LRIG2: variants seen among roughly 807,000 people sequenced by gnomAD.
The protein encoded by LRIG2 is leucine rich repeats and immunoglobulin like domains 2, also known as leucine-rich repeats and immunoglobulin-like domains protein 2.
LRIG2 carries 93 observed loss-of-function variants against 107.8 expected under a neutral mutation model. The observed-to-expected ratio is 0.86, with a 90% confidence interval of 0.73 to 1.03. LRIG2 has a LOEUF of 1.03. Among genes scored for constraint, LRIG2 ranks in the 50% least tolerant of loss-of-function variants. LRIG2 has a pLI of 0.00. For missense variants in LRIG2, 1,226 were observed against 1,296.0 expected, an observed-to-expected ratio of 0.95 and a Z score of 0.83; for synonymous variants, 471 against 470.6, an observed-to-expected ratio of 1.00 and a Z score of -0.01.
At chr1:113,110,770 AG>A (rs1654742645) in intron 13 of LRIG2, among the ~76,000 whole-genome samples, 1 of 152,154 alleles carries the variant, frequency 6.6e-6, no homozygotes, top group Non-Finnish European at 1.5e-5. Flanking sequence ...CTTTGGTTGA[AG>A]GGTAAGTGCT....
At position 113,098,737 on chromosome 1, in the gene LRIG2, T is replaced by G. The variant is rs1225020136; in HGVS notation, c.1124T>G (p.Ile375Arg). 3.7e-6 allele frequency: 6 copies of G among 1,612,950 alleles called. No individual in the cohort carries two copies. Among genetic ancestry groups the G allele is most frequent in the Non-Finnish European group, 3.4e-6 (4 of 1,179,036 alleles). ...AGAAACAATGAAATTTCATGGGCCA[T>G]AGAAGATGCTAGTGAAGCCTTTGCT... ...DLRNNEISWA[I>R]EDASEAFAGL... The change falls in exon 9 of 18, where the codon ATA becomes AGA. Residue 375 changes from isoleucine to arginine, a missense_variant. By Grantham distance (97) the Ile-to-Arg change is moderately conservative (BLOSUM62 -3). This residue lies in a region of LRIG2 where 570 missense variants were observed against 550.2 expected (regional missense o/e 1.04). Coordinates refer to ENST00000361127, the MANE Select transcript of LRIG2 (RefSeq NM_014813.3).
intron 16 of LRIG2, 112 bp from the exon 17 acceptor site, chr1:113,119,121 A>C: frequency 1.1e-6 from 1 of 923,580 alleles, no homozygotes; most frequent in Non-Finnish European, 1.7e-6. Context: ...TTTATAAAGT[A>C]AGTGCTCAAT....
chr1:113,073,682 G>A lies in LRIG2; in HGVS notation c.239+37G>A, dbSNP rs746159503. On this transcript the variant is annotated intron_variant, in intron 1 of 17. Transcript: ENST00000361127. ...GGCCAGGCAGAGTGACCAAAAGGAG[G>A]GGGAGCCTTCCCTCTACAGGGGGCA... 3.4e-5 allele frequency: 53 copies of A among 1,580,050 alleles called. 1 individual carries two copies. In the Admixed American group the frequency reaches 7.9e-4, roughly 24 times the overall value.
At chr1:113,113,019 T>A (rs1487591605) in intron 14 of LRIG2, among the ~76,000 whole-genome samples, 1 of 152,146 alleles carries the variant, frequency 6.6e-6, no homozygotes. Flanking sequence ...TATCAGCTTA[T>A]CTTTTTAAGT....
Position 113,112,476 on chromosome 1 carries a change from CAGAG to C in LRIG2, c.1799-1_1801del, listed in dbSNP as rs1570764426. 2 of 1,593,548 alleles carry C rather than the reference CAGAG, an allele frequency of 1.3e-6. No homozygotes were observed. Among genetic ancestry groups the C allele is most frequent in the Admixed American group, 3.4e-5 (2 of 58,520 alleles). On this transcript the variant is annotated splice_acceptor_variant and coding_sequence_variant, in exon 14 of 18. Transcript: ENST00000361127. LOFTEE classifies it high-confidence loss of function. ...TTTTTCTTGGTGATTTTTCTGGAAACAGAGATGCCATCTTTTCTGAAAACGCCAA... is the reference window on the plus strand; with the variant it reads ...TTTTTCTTGGTGATTTTTCTGGAAACATGCCATCTTTTCTGAAAACGCCAA...
intron 11 of LRIG2, among the ~76,000 whole-genome samples, chr1:113,105,487 C>T (rs906955858): frequency 7.9e-5 from 12 of 152,132 alleles, no homozygotes; most frequent in African/African-American, 2.9e-4. Flanking sequence ...TTTCATACAC[C>T]TCCTGTTATT....
At chr1:113,112,342 A>G (rs1470234884) in intron 13 of LRIG2, 137 bp from the exon 14 acceptor site, 9 of 773,674 alleles carry the variant, frequency 1.2e-5, no homozygotes, top group Non-Finnish European at 1.5e-5. Flanking sequence ...TTCACTCTCA[A>G]TCAGAGAGCC....
At chr1:113,121,235 G>C (rs1415158773) in intron 17 of LRIG2, among the ~76,000 whole-genome samples, 1 of 152,212 alleles carries the variant, frequency 6.6e-6, no homozygotes, top group Non-Finnish European at 1.5e-5. Context: ...TGAGAACGCA[G>C]TTTTGGGCTT....
In LRIG2 at chr1:113,112,714, A is replaced by G; in HGVS notation, c.2034A>G (p.Gln678=). The G allele has an allele frequency of 6.2e-7, 1 of 1,610,848 alleles. No individual in the cohort carries two copies. The highest frequency in any genetic ancestry group is 8.5e-7 in the Non-Finnish European group (1 of 1,177,110). ...EDMGIYSCMA[Q]NTAGGLSANA... ...TGGGAATCTATAGCTGCATGGCACAAAATACAGCAGGAGGTCTCTCAGCAA... is the reference window on the plus strand; with the variant it reads ...TGGGAATCTATAGCTGCATGGCACAGAATACAGCAGGAGGTCTCTCAGCAA... Residue 678 remains glutamine (Q), a synonymous_variant, in exon 14 of 18, where the codon CAA becomes CAG. Coordinates refer to ENST00000361127, the MANE Select transcript of LRIG2 (RefSeq NM_014813.3).
chr1:113,073,700 A>G (rs1039081509), intron 1 of LRIG2, 55 bp downstream of exon 1: 109 of 1,522,892 alleles, frequency 7.2e-5, no homozygotes, highest in Middle Eastern at 1.7e-4. Flanking sequence ...TTCCCTCTAC[A>G]GGGGGCAGGC....
Position 113,093,465 on chromosome 1 carries a change from C to G in LRIG2, c.416C>G (p.Ala139Gly). Reference sequence around the variant, plus strand: ...ATAATCCCAGAAATAAATGCACAGGCACTCCAGTTTTACCCTGCTCTGGAG... The same window carrying G: ...ATAATCCCAGAAATAAATGCACAGGGACTCCAGTTTTACCCTGCTCTGGAG... ...HNIIPEINAQ[A>G]LQFYPALESL... Residue 139 changes from alanine (A) to glycine (G), a missense_variant, in exon 4 of 18, where the codon GCA becomes GGA. By Grantham distance (60) the Ala-to-Gly change is moderately conservative. Around this residue, in one of 3 missense-constraint regions of LRIG2, gnomAD observed 570 missense variants for 550.2 expected, o/e 1.04. Transcript: ENST00000361127. The G allele has an allele frequency of 6.2e-7, 1 of 1,613,540 alleles. No individual in the cohort carries two copies. The highest frequency in any genetic ancestry group is 2.2e-5 in the East Asian group (1 of 44,866).
intron 1 of LRIG2, among the ~76,000 whole-genome samples, chr1:113,086,954 G>T (rs1200825931): frequency 6.6e-6 from 1 of 152,154 alleles, no homozygotes; most frequent in Non-Finnish European, 1.5e-5. Context: ...TTTACAGCCT[G>T]GGCAACATAG....
chr1:113,107,811 A>C, intron 12 of LRIG2, 54 bp downstream of exon 12: 1 of 1,435,120 alleles, frequency 7.0e-7, no homozygotes, highest in Non-Finnish European at 9.4e-7. Context: ...ATCTTAACAG[A>C]ATTAAAAAAA....
chr1:113,122,733 A>C (rs1053790996), intron 17 of LRIG2, among the ~76,000 whole-genome samples: 2 of 152,202 alleles, frequency 1.3e-5, no homozygotes, highest in African/African-American at 4.8e-5. Context: ...GACTATCAGC[A>C]TCACCGTTAC....
At chr1:113,091,554 G>A (rs1033791181) in intron 2 of LRIG2, among the ~76,000 whole-genome samples, 171 bp downstream of exon 2, 5 of 152,194 alleles carry the variant, frequency 3.3e-5, no homozygotes, top group Non-Finnish European at 1.5e-5. Context: ...GTTATTATCA[G>A]ACTGTCTTGG....
At chr1:113,093,139 G>C (rs1653898877) in intron 2 of LRIG2, 67 bp from the exon 3 acceptor site, 1 of 978,762 alleles carries the variant, frequency 1.0e-6, no homozygotes, top group African/African-American at 1.6e-5. Context: ...GTGTTAGCCA[G>C]AAGGTAGAAT....
At chr1:113,091,172 C>T in intron 1 of LRIG2, 146 bp from the exon 2 acceptor site, 1 of 489,834 alleles carries the variant, frequency 2.0e-6, no homozygotes, top group South Asian at 3.7e-5. Context: ...GATCTGCCTG[C>T]CTCAGCCTCC....
rs1279888381 is a variant in LRIG2, at chr1:113,131,527, AC to A, written c.*7428del. 6.6e-6 allele frequency: 1 copy of A among 152,144 alleles called. No homozygotes were observed. The highest frequency in any genetic ancestry group is 1.9e-4 in the East Asian group (1 of 5,204). 9.4% of individuals were successfully genotyped at this position (152,144 alleles called of 1,614,324 possible). A position where few individuals can be genotyped will look rare whatever the true frequency, so the allele number is the denominator to read the frequency against. Reference sequence around the variant, plus strand: ...TTGAGCTAAGATTCTTTTTTTGGCAACCTGCAAGTAATGTTTCATTTTTCTA... The same window carrying A: ...TTGAGCTAAGATTCTTTTTTTGGCAACTGCAAGTAATGTTTCATTTTTCTA... On this transcript the variant is annotated 3_prime_UTR_variant, in exon 18 of 18. Transcript: ENST00000361127.
chr1:113,082,176 T>C (rs919225429), intron 1 of LRIG2, among the ~76,000 whole-genome samples: 4 of 152,218 alleles, frequency 2.6e-5, no homozygotes, highest in Admixed American at 6.5e-5. Flanking sequence ...TTTTAACATA[T>C]TTTGTCTTCT....
Sources: gnomAD v4.1 joint callset for allele counts (sites outside exome capture counted in the v4.1 genomes callset) on GRCh38, gnomAD v4.1.1 for gene constraint, gnomAD v4.1.1 regional missense constraint, MANE v1.5 for transcripts, NCBI Gene and HGNC (gene_info 2026-07-23, HGNC 2026-07-21) for gene names.